KNDC1: variants seen among roughly 807,000 people sequenced by gnomAD.
KNDC1 encodes the protein kinase non-catalytic C-lobe domain containing 1, also known as kinase non-catalytic C-lobe domain-containing protein 1.
KNDC1 carries 106 observed loss-of-function variants against 172.8 expected under a neutral mutation model. The ratio of observed to expected loss-of-function variants is 0.61; its 90% CI spans 0.52 to 0.72. The LOEUF (loss-of-function observed/expected upper bound fraction) is 0.72. KNDC1 is among the 30% of genes least tolerant of loss of function. The probability of loss-of-function intolerance (pLI) is 0.00; values close to 1 mark genes in which losing one functional copy is unlikely to be tolerated. For missense variants in KNDC1, 2,325 were observed against 2,394.5 expected (o/e 0.97, Z 0.61); for synonymous variants, 1,083 against 1,062.2 (o/e 1.02, Z -0.38).
Position 133,177,055 on chromosome 10 carries a change from C to T in KNDC1, c.361-6289C>T, listed in dbSNP as rs1435280242. Among the ~76,000 whole-genome samples, 3 of 152,314 alleles carry T rather than the reference C, an allele frequency of 2.0e-5. No homozygotes were observed. The East Asian group carries it at 5.8e-4, about 29-fold the overall frequency. Reference sequence around the variant, plus strand: ...ACCCAGCCCACAGCAGATCACCCAGCTGTGCACCAACCTCTGCTCACCCTC... The same window carrying T: ...ACCCAGCCCACAGCAGATCACCCAGTTGTGCACCAACCTCTGCTCACCCTC... On this transcript the variant is annotated intron_variant, in intron 3 of 29. Transcript: ENST00000304613.
chr10:133,166,023 C>T (rs1415172048), intron 1 of KNDC1, among the ~76,000 whole-genome samples: 1 of 152,214 alleles, frequency 6.6e-6, no homozygotes, highest in Non-Finnish European at 1.5e-5. Flanking sequence ...CACCGGGCGC[C>T]CATGCCCTGA....
At chr10:133,179,785 C>G (rs1051188156) in intron 3 of KNDC1, among the ~76,000 whole-genome samples, 1 of 152,172 alleles carries the variant, frequency 6.6e-6, no homozygotes, top group African/African-American at 2.4e-5. Context: ...GAGCAGGAAG[C>G]TGCAACGTCC....
At chr10:133,184,091 CACTGCACACACACCCAT>C (rs1043349428) in intron 5 of KNDC1, 102 bp downstream of exon 5, 33 of 623,154 alleles carry the variant, frequency 5.3e-5, no homozygotes, top group Non-Finnish European at 5.8e-5. Context: ...CACACACACA[CACTGCACACACACCCAT>C]ACTGCACACA....
At position 133,186,103 on chromosome 10, in the gene KNDC1, G is replaced by C. The variant is rs201213037; in HGVS notation, c.755G>C (p.Arg252Pro). 5.6e-6 allele frequency: 9 copies of C among 1,597,382 alleles called. No individual in the cohort carries two copies. In the East Asian group the frequency reaches 1.4e-4, roughly 24 times the overall value. Residue 252 changes from arginine (R) to proline (P), a missense_variant, in exon 6 of 30, where the codon CGG (arginine) becomes CCG (proline). Transcript: ENST00000304613. ...TPEGPESETS[R>P]GPRASPTKAL... Reference sequence around the variant, plus strand: ...GAAGGCCCGGAGTCTGAGACGAGCCGGGGCCCCAGAGCCTCCCCAACCAAG... The same window carrying C: ...GAAGGCCCGGAGTCTGAGACGAGCCCGGGCCCCAGAGCCTCCCCAACCAAG...
At chr10:133,219,199 G>A in intron 28 of KNDC1, 109 bp downstream of exon 28, 2 of 1,362,702 alleles carry the variant, frequency 1.5e-6, no homozygotes, top group Non-Finnish European at 2.0e-6. Flanking sequence ...CAGAGTGTGT[G>A]CAGGTGGCCC....
At position 133,160,262 on chromosome 10, in the gene KNDC1, G is replaced by GCGCAGCCCCCGCGCCCCC. The variant is rs1394169708; in HGVS notation, c.-192_-191insCCCCCGCAGCCCCCGCGC. Among the ~76,000 whole-genome samples, 30 of 146,108 alleles carry GCGCAGCCCCCGCGCCCCC rather than the reference G, an allele frequency of 2.1e-4. No homozygotes were observed. The highest frequency in any genetic ancestry group is 5.5e-4 in the Admixed American group (8 of 14,620). On this transcript the variant is annotated 5_prime_UTR_variant, in exon 1 of 30. Transcript: ENST00000304613. ...CTAGGCGCCGGGTCCGGACAGCGCCGCGCAGCCCCCGCGCACCCCGCGCCC... is the reference window on the plus strand; with the variant it reads ...CTAGGCGCCGGGTCCGGACAGCGCCGCGCAGCCCCCGCGCCCCCCGCAGCCCCCGCGCACCCCGCGCCC...
rs1160487578 is a variant in KNDC1, at chr10:133,189,579, G to A, written c.1442-19G>A. On this transcript the variant is annotated intron_variant, in intron 7 of 29. Transcript: ENST00000304613. Reference sequence around the variant, plus strand: ...GCGGGGCAGCATGCATACCCGCCCTGACCCAAGCTCTGCCACAGCCTACCT... The same window carrying A: ...GCGGGGCAGCATGCATACCCGCCCTAACCCAAGCTCTGCCACAGCCTACCT... The A allele has an allele frequency of 1.9e-6, 3 of 1,611,852 alleles. No homozygotes were observed. The highest frequency in any genetic ancestry group is 1.3e-5 in the African/African-American group (1 of 75,016).
rs1336731457 is a variant in KNDC1, at chr10:133,175,370, T to C, written c.360+7058T>C. 2.4e-5 allele frequency among the ~76,000 whole-genome samples: 3 copies of C among 125,710 alleles called. No individual in the cohort carries two copies. In the Admixed American group the frequency reaches 2.4e-4, roughly 10 times the overall value. 82.5% of individuals were successfully genotyped at this position (125,710 alleles called of 152,430 possible). A position where few individuals can be genotyped will look rare whatever the true frequency, so the allele number is the denominator to read the frequency against. ...AGTGGATGGATGGGTGGGTGGGTGG[T>C]TGTATGTGTGGAGGATGGATGGGTG... On this transcript the variant is annotated intron_variant, in intron 3 of 29. Coordinates refer to ENST00000304613, the MANE Select transcript of KNDC1 (RefSeq NM_152643.8).
chr10:133,213,878 C>A, intron 25 of KNDC1, 94 bp from the exon 26 acceptor site: 2 of 1,540,786 alleles, frequency 1.3e-6, no homozygotes, highest in Non-Finnish European at 1.8e-6. Context: ...GGCCTCGTGG[C>A]CCGACCCCAG....
At chr10:133,218,607 T>C (rs1164633661) in intron 26 of KNDC1, among the ~76,000 whole-genome samples, 1 of 152,080 alleles carries the variant, frequency 6.6e-6, no homozygotes, top group Non-Finnish European at 1.5e-5. Flanking sequence ...GTATCAGGCT[T>C]TGCTTTTATT....
intron 17 of KNDC1, 100 bp downstream of exon 17, chr10:133,201,998 G>A: frequency 1.5e-6 from 2 of 1,326,246 alleles, no homozygotes; most frequent in Non-Finnish European, 2.1e-6. Context: ...TGTGCCCAGA[G>A]CCCCCAACAG....
At chr10:133,165,954 T>C (rs879506656) in intron 1 of KNDC1, among the ~76,000 whole-genome samples, 1 of 152,182 alleles carries the variant, frequency 6.6e-6, no homozygotes, top group Non-Finnish European at 1.5e-5. Context: ...AAGAAGGAGA[T>C]GGACGGGATG....
chr10:133,170,265 A>G lies in KNDC1; in HGVS notation c.360+1953A>G, dbSNP rs3810969. On this transcript the variant is annotated intron_variant, in intron 3 of 29. Coordinates refer to ENST00000304613, the MANE Select transcript of KNDC1 (RefSeq NM_152643.8). ...TGGCTCGTGGGGCAGGTGGACGTACATCTGTTCCTGGAACTCCCCCAACTG... is the reference window on the plus strand; with the variant it reads ...TGGCTCGTGGGGCAGGTGGACGTACGTCTGTTCCTGGAACTCCCCCAACTG... 2.5e-3 allele frequency among the ~76,000 whole-genome samples: 375 copies of G among 152,286 alleles called. 8 individuals carry two copies. The East Asian group carries it at 0.046, about 19-fold the overall frequency.
chr10:133,181,534 C>G (rs909365749), intron 3 of KNDC1, among the ~76,000 whole-genome samples: 2 of 152,178 alleles, frequency 1.3e-5, no homozygotes, highest in Non-Finnish European at 2.9e-5. Flanking sequence ...GGCCAGCGGC[C>G]GGGGGCCTGG....
At chr10:133,206,441 A>G (rs907534632) in intron 17 of KNDC1, among the ~76,000 whole-genome samples, 10 of 151,966 alleles carry the variant, frequency 6.6e-5, no homozygotes, top group African/African-American at 2.4e-4. Flanking sequence ...TGAGGGGCGC[A>G]GGGAGCAGTC....
intron 1 of KNDC1, among the ~76,000 whole-genome samples, chr10:133,166,220 C>G (rs1278614088): frequency 6.6e-6 from 1 of 152,094 alleles, no homozygotes; most frequent in Non-Finnish European, 1.5e-5. Context: ...GGAGGGGGGG[C>G]CAGCGATGGG....
chr10:133,210,839 G>C, intron 21 of KNDC1, 115 bp downstream of exon 21: 1 of 872,330 alleles, frequency 1.1e-6, no homozygotes, highest in South Asian at 1.3e-5. Context: ...GACCCAAGGG[G>C]GTGAGGGGCC....
Position 133,198,980 on chromosome 10 carries a change from C to A in KNDC1, c.2472C>A (p.Gly824=). 1 of 1,547,560 alleles carries A rather than the reference C, an allele frequency of 6.5e-7. No homozygotes were observed. Among genetic ancestry groups the A allele is most frequent in the East Asian group, 2.4e-5 (1 of 41,306 alleles). Residue 824 remains glycine (G), a synonymous_variant, in exon 14 of 30, where the codon GGC becomes GGA. Coordinates refer to ENST00000304613, the MANE Select transcript of KNDC1 (RefSeq NM_152643.8). ...DALGPTTAHH[G]PRHPPKPPRS... ...TGGGGCCCACCACGGCCCACCACGG[C>A]CCACGCCACCCGCCCAAGCCCCCAC...
At chr10:133,223,590 C>T (rs1309330815) in intron 29 of KNDC1, among the ~76,000 whole-genome samples, 2 of 42,648 alleles carry the variant, frequency 4.7e-5, no homozygotes, top group Non-Finnish European at 8.0e-5. Flanking sequence ...CTCTTCCCGG[C>T]GTGTGTGTGT....
Sources: allele counts gnomAD v4.1 joint callset (sites outside exome capture counted in the v4.1 genomes callset), GRCh38; gene constraint gnomAD v4.1.1; transcripts MANE v1.5; gene names NCBI Gene and HGNC (gene_info 2026-07-23, HGNC 2026-07-21).